MLPH: variants seen among roughly 807,000 people sequenced by gnomAD.
MLPH encodes exophilin-3.
A neutral mutation model predicts 72.1 loss-of-function variants in MLPH; 51 were observed. The observed-to-expected ratio is 0.71, with a 90% CI of 0.56 to 0.89. The LOEUF is 0.89. Among genes scored for constraint, MLPH ranks in the 40% least tolerant of loss-of-function variants. The pLI is 0.00. For synonymous variants in MLPH, 301 were observed against 310.1 expected (o/e 0.97, Z 0.31); for missense variants, 743 against 759.9 (o/e 0.98, Z 0.26).
chr2:237,540,394 C>T lies in MLPH; in HGVS notation c.1151C>T (p.Ala384Val). The T allele has an allele frequency of 6.2e-7, 1 of 1,613,514 alleles. No homozygotes were observed. Among genetic ancestry groups the T allele is most frequent in the Non-Finnish European group, 8.5e-7 (1 of 1,179,892 alleles). ...VRTEADVEEE[A>V]LRRKLEELTS... ...ACGGAGGCCGATGTAGAGGAGGAGG[C>T]CCTGAGGAGGAAGCTGGAGGAGCTG... Residue 384 changes from alanine (A) to valine (V), a missense_variant, in exon 10 of 16, where the codon GCC becomes GTC. Ala to Val is a moderately conservative substitution (Grantham distance 64, BLOSUM62 0). Transcript: ENST00000264605.
At chr2:237,516,821 ATGGATGG>A (rs1234069118) in intron 4 of MLPH, among the ~76,000 whole-genome samples, 4 of 135,656 alleles carry the variant, frequency 2.9e-5, no homozygotes, top group African/African-American at 8.9e-5. Flanking sequence ...GGATGGATGG[ATGGATGG>A]TAGGATGGAT....
At chr2:237,528,406 A>G (rs1182766165) in intron 8 of MLPH, among the ~76,000 whole-genome samples, 1 of 151,254 alleles carries the variant, frequency 6.6e-6, no homozygotes, top group Non-Finnish European at 1.5e-5. Flanking sequence ...GCTGGAGTGT[A>G]ATGGCGCAAT....
Position 237,510,803 on chromosome 2 carries a change from C to T in MLPH, c.332+8C>T. On this transcript the variant is annotated splice_region_variant and intron_variant, in intron 3 of 15. Transcript: ENST00000264605. This position sits in a 1 kb window ranked among gnomAD's most constrained non-coding sequence, Gnocchi z 4.4. ...CCCCTGCCATCTGGCCAGGTGAGCCCAGGCCTTGAGGTAAAATGACCTTGA... is the reference window on the plus strand; with the variant it reads ...CCCCTGCCATCTGGCCAGGTGAGCCTAGGCCTTGAGGTAAAATGACCTTGA... 1 of 1,613,192 alleles carries T rather than the reference C, an allele frequency of 6.2e-7. No individual in the cohort carries two copies. Among genetic ancestry groups the T allele is most frequent in the Non-Finnish European group, 8.5e-7 (1 of 1,180,002 alleles).
At chr2:237,525,552 C>T in intron 6 of MLPH, 49 bp from the exon 7 acceptor site, 2 of 1,590,606 alleles carry the variant, frequency 1.3e-6, no homozygotes, top group Non-Finnish European at 1.7e-6. Flanking sequence ...CAGGCAGCGG[C>T]CCCTCCTAGT....
intron 9 of MLPH, among the ~76,000 whole-genome samples, chr2:237,536,733 C>T (rs1018923686): frequency 6.6e-6 from 1 of 152,204 alleles, no homozygotes; most frequent in Non-Finnish European, 1.5e-5. Context: ...CACTCACCTC[C>T]TTCACCCCCT....
Position 237,510,858 on chromosome 2 carries a change from T to C in MLPH, c.332+63T>C. ...TTCTGGATCTGGCGTGTCCCTTCCATGGGGCTAGCTGAAGAAGGGTGGACG... is the reference window on the plus strand; with the variant it reads ...TTCTGGATCTGGCGTGTCCCTTCCACGGGGCTAGCTGAAGAAGGGTGGACG... On this transcript the variant is annotated intron_variant, in intron 3 of 15. Coordinates refer to ENST00000264605, the MANE Select transcript of MLPH (RefSeq NM_024101.7). This position sits in a 1 kb window ranked among gnomAD's most constrained non-coding sequence, Gnocchi z 4.4. 5 of 1,588,664 alleles carry C rather than the reference T, an allele frequency of 3.1e-6. No individual in the cohort carries two copies. In the South Asian group the frequency reaches 5.5e-5, roughly 18 times the overall value.
Position 237,518,539 on chromosome 2 carries a change from C to T in MLPH, c.446C>T (p.Ala149Val). ...RSLHGRLQGG[A>V]GPELISEERS... The stretch of plus-strand genomic sequence containing the variant: ...GGAGTCATGCAGGTATCTATTGCAG[C>T]TGGGCCTGAACTGATATCTGAAGAG... Residue 149 changes from alanine to valine, a missense_variant and splice_region_variant, in exon 5 of 16, where the codon GCT becomes GTT. Transcript: ENST00000264605. 6.2e-7 allele frequency: 1 copy of T among 1,611,672 alleles called. No individual in the cohort carries two copies. The highest frequency in any genetic ancestry group is 1.1e-5 in the South Asian group (1 of 90,558).
At chr2:237,542,994 GC>G (rs1167599627) in intron 12 of MLPH, among the ~76,000 whole-genome samples, 1 of 44,206 alleles carries the variant, frequency 2.3e-5, no homozygotes. Context: ...GTGAGTGGGG[GC>G]ACAGTGGTGA....
intron 2 of MLPH, among the ~76,000 whole-genome samples, chr2:237,497,981 G>T (rs2079569868): frequency 6.6e-6 from 1 of 152,232 alleles, no homozygotes; most frequent in African/African-American, 2.4e-5. Flanking sequence ...AGTTTCCCAT[G>T]TGTCTCACAA....
Position 237,549,287 on chromosome 2 carries a change from C to T in MLPH, c.1675+9C>T, listed in dbSNP as rs1157273555. 1.2e-6 allele frequency: 2 copies of T among 1,613,128 alleles called. No individual in the cohort carries two copies. The highest frequency in any genetic ancestry group is 1.7e-6 in the Non-Finnish European group (2 of 1,179,196). ...TTCCCTGAAAAGTCAAGGTAAGAGCCCTCTGCTCCCCCACCCCCATGGGCC... is the reference window on the plus strand; with the variant it reads ...TTCCCTGAAAAGTCAAGGTAAGAGCTCTCTGCTCCCCCACCCCCATGGGCC... On this transcript the variant is annotated intron_variant, in intron 14 of 15. Transcript: ENST00000264605.
chr2:237,506,811 G>A (rs977031729), intron 2 of MLPH, among the ~76,000 whole-genome samples: 3 of 152,170 alleles, frequency 2.0e-5, no homozygotes, highest in Non-Finnish European at 2.9e-5. Flanking sequence ...AAGACAATAT[G>A]AGGGGTGGTC....
intron 2 of MLPH, among the ~76,000 whole-genome samples, chr2:237,502,190 T>G (rs74562980): frequency 0.041 from 6,234 of 152,328 alleles, 392 homozygotes; most frequent in African/African-American, 0.14. Context: ...TTCATATCAC[T>G]TGGGTATTAA....
intron 2 of MLPH, among the ~76,000 whole-genome samples, chr2:237,503,408 G>A (rs570231923): frequency 6.6e-6 from 1 of 152,264 alleles, no homozygotes; most frequent in South Asian, 2.1e-4. Context: ...CCCCTTTAGA[G>A]GATCTCCAGG....
chr2:237,521,905 C>T (rs916156382), intron 6 of MLPH, among the ~76,000 whole-genome samples: 1 of 130,716 alleles, frequency 7.7e-6, no homozygotes, highest in South Asian at 2.8e-4. Context: ...CCTTCAAACA[C>T]CTGCTACAAC....
intron 1 of MLPH, among the ~76,000 whole-genome samples, chr2:237,491,254 G>A (rs745565989): frequency 6.6e-6 from 1 of 152,212 alleles, no homozygotes; most frequent in Non-Finnish European, 1.5e-5. Context: ...CCCCCTGAAA[G>A]CACACAGATT....
intron 2 of MLPH, among the ~76,000 whole-genome samples, chr2:237,496,289 G>T (rs1420573416): frequency 4.6e-5 from 7 of 152,194 alleles, no homozygotes; most frequent in African/African-American, 1.7e-4. Flanking sequence ...GAGGGAGCAA[G>T]TGGGGCCTGG....
intron 2 of MLPH, among the ~76,000 whole-genome samples, chr2:237,508,969 G>A (rs1321395077): frequency 6.6e-6 from 1 of 152,164 alleles, no homozygotes; most frequent in Non-Finnish European, 1.5e-5. Flanking sequence ...TTGGAGCCAC[G>A]TGCCGGGCTC....
intron 8 of MLPH, among the ~76,000 whole-genome samples, chr2:237,533,973 G>A (rs2080478999): frequency 6.6e-6 from 1 of 152,214 alleles, no homozygotes; most frequent in Non-Finnish European, 1.5e-5. Context: ...ATAATGGCAG[G>A]AAAGATGCAT....
chr2:237,549,366 T>G (rs766131513), intron 14 of MLPH, 88 bp downstream of exon 14: 8 of 1,217,956 alleles, frequency 6.6e-6, no homozygotes, highest in Non-Finnish European at 9.8e-6. Flanking sequence ...GTGTGTTTCT[T>G]CATTATCTGT....
Sources: allele counts gnomAD v4.1 joint callset (sites outside exome capture counted in the v4.1 genomes callset), GRCh38; gene constraint gnomAD v4.1.1; non-coding constraint Gnocchi (gnomAD v3.1); transcripts MANE v1.5; gene names NCBI Gene and HGNC (gene_info 2026-07-23, HGNC 2026-07-21).